CEP63: variants seen among roughly 807,000 people sequenced by gnomAD.
CEP63 encodes centrosomal protein 63.
A neutral mutation model predicts 89.1 loss-of-function variants in CEP63; 84 were observed. That is an observed-to-expected ratio of 0.94 (90% confidence interval 0.79 to 1.13). CEP63 has a LOEUF of 1.13. CEP63 is among the 50% of genes most tolerant of loss of function. CEP63 has a pLI of 0.00. For synonymous variants in CEP63, 267 were observed against 272.5 expected (o/e 0.98, Z 0.20); for missense variants, 838 against 813.3 (o/e 1.03, Z -0.37).
the CEP63 span, among the ~76,000 whole-genome samples, chr3:134,643,953 A>G: frequency 6.6e-6 from 1 of 151,466 alleles, no homozygotes; most frequent in African/African-American, 2.4e-5. Context: ...CCACCTCCGG[A>G]GCAGCTGGGA....
downstream of CEP63, among the ~76,000 whole-genome samples, chr3:134,578,919 G>A (rs1958281575): frequency 6.6e-6 from 1 of 151,964 alleles, no homozygotes; most frequent in Non-Finnish European, 1.5e-5. Flanking sequence ...TTTAACACTT[G>A]GCTAATTTTT....
At chr3:134,558,120 C>T (rs567084343) in intron 12 of CEP63, 22 bp from the exon 13 acceptor site, 9 of 1,575,818 alleles carry the variant, frequency 5.7e-6, no homozygotes, top group Admixed American at 1.7e-5. Flanking sequence ...GATTAAGTGA[C>T]TCTAGTATTC....
At chr3:134,556,658 C>G (rs1956249492) in intron 12 of CEP63, among the ~76,000 whole-genome samples, 1 of 152,178 alleles carries the variant, frequency 6.6e-6, no homozygotes, top group South Asian at 2.1e-4. Context: ...TGAGAACTCT[C>G]AGGGGAACTT....
the CEP63 span, among the ~76,000 whole-genome samples, chr3:134,636,102 G>T: frequency 1.3e-5 from 2 of 152,132 alleles, no homozygotes; most frequent in African/African-American, 2.4e-5. Flanking sequence ...ATACATCTTT[G>T]TATGTATGTA....
chr3:134,628,148 G>C, the CEP63 span: 1 of 320,158 alleles, frequency 3.1e-6, no homozygotes, highest in Non-Finnish European at 5.9e-6. Context: ...CTCTTTTGGA[G>C]TTTCCTGCTT....
At chr3:134,696,923 T>G in the CEP63 span, among the ~76,000 whole-genome samples, 4 of 152,212 alleles carry the variant, frequency 2.6e-5, no homozygotes, top group Admixed American at 2.6e-4. Flanking sequence ...TTCCAGATAT[T>G]TATGTGATCA....
At chr3:134,726,176 C>T in the CEP63 span, among the ~76,000 whole-genome samples, 221 of 152,228 alleles carry the variant, frequency 1.5e-3, no homozygotes, top group African/African-American at 5.2e-3. Flanking sequence ...TCTTTAAACA[C>T]GTTCCATGGC....
downstream of CEP63, among the ~76,000 whole-genome samples, chr3:134,567,368 G>T (rs1957816449): frequency 6.6e-6 from 1 of 151,278 alleles, no homozygotes; most frequent in African/African-American, 2.4e-5. Context: ...TGATTGTGAT[G>T]GTTGCACAAC....
At chr3:134,623,370 C>A in the CEP63 span, among the ~76,000 whole-genome samples, 3 of 152,332 alleles carry the variant, frequency 2.0e-5, no homozygotes, top group South Asian at 6.2e-4. Context: ...CTGGCCTCCA[C>A]TTCACGGCAG....
chr3:134,690,574 T>C, the CEP63 span, among the ~76,000 whole-genome samples: 1 of 152,146 alleles, frequency 6.6e-6, no homozygotes, highest in African/African-American at 2.4e-5. Context: ...AGATTTATCT[T>C]GTAACTCTCC....
At chr3:134,733,289 A>G in the CEP63 span, among the ~76,000 whole-genome samples, 4 of 152,134 alleles carry the variant, frequency 2.6e-5, no homozygotes, top group African/African-American at 9.7e-5. Context: ...GCCAGCACAC[A>G]TACTTGGAAA....
chr3:134,684,580 T>C, the CEP63 span, among the ~76,000 whole-genome samples: 1 of 152,330 alleles, frequency 6.6e-6, no homozygotes, highest in Non-Finnish European at 1.5e-5. Context: ...GAATTCACCA[T>C]CCTGCAAAGC....
the CEP63 span, among the ~76,000 whole-genome samples, chr3:134,605,975 T>C: frequency 1.2e-4 from 18 of 152,220 alleles, no homozygotes; most frequent in Admixed American, 9.8e-4. Context: ...ACATGCTTTC[T>C]CTACTGCCTT....
intron 11 of CEP63, among the ~76,000 whole-genome samples, chr3:134,571,107 C>A (rs369570935): frequency 3.5e-4 from 53 of 152,354 alleles, no homozygotes; most frequent in African/African-American, 1.2e-3. Context: ...AGAGACACAA[C>A]CAAATCACAT....
downstream of CEP63, among the ~76,000 whole-genome samples, chr3:134,591,835 C>T (rs1036004857): frequency 6.6e-6 from 1 of 152,120 alleles, no homozygotes. Flanking sequence ...GAGCTGAGAT[C>T]ATGCCACTAC....
the CEP63 span, among the ~76,000 whole-genome samples, chr3:134,708,040 C>A: frequency 0.32 from 48,334 of 151,964 alleles, 9,565 homozygotes; most frequent in East Asian, 0.56. Context: ...GACAGGATAA[C>A]CTAGGGCAGT....
intron 1 of CEP63, among the ~76,000 whole-genome samples, chr3:134,490,856 G>A (rs2107885050): frequency 6.6e-6 from 1 of 152,048 alleles, no homozygotes; most frequent in Non-Finnish European, 1.5e-5. Context: ...TTTCCATCTT[G>A]GGTTTTTCAC....
the CEP63 span, among the ~76,000 whole-genome samples, chr3:134,721,383 T>C: frequency 6.6e-6 from 1 of 152,106 alleles, no homozygotes; most frequent in South Asian, 2.1e-4. Flanking sequence ...GTAGATTTCT[T>C]AGGATTCCTG....
chr3:134,523,011 T>A (rs1391543121), intron 3 of CEP63, among the ~76,000 whole-genome samples: 1 of 152,164 alleles, frequency 6.6e-6, no homozygotes, highest in Non-Finnish European at 1.5e-5. Context: ...AATTTACACT[T>A]CCACCAACAG....
Sources: allele counts gnomAD v4.1 joint callset (sites outside exome capture counted in the v4.1 genomes callset), GRCh38; gene constraint gnomAD v4.1.1; transcripts MANE v1.5; gene names NCBI Gene and HGNC (gene_info 2026-07-23, HGNC 2026-07-21).